Variants in GABRA3 observed in about 807,000 individuals in gnomAD.
The protein encoded by GABRA3 is gamma-aminobutyric acid type A receptor subunit alpha3, also known as gamma-aminobutyric acid receptor subunit alpha-3.
Under a neutral mutation model 30.1 loss-of-function variants are expected in GABRA3, and 10 were observed. That is an observed-to-expected ratio of 0.33 (90% CI 0.20 to 0.56). The LOEUF is 0.56. Among genes scored for constraint, GABRA3 ranks in the 20% least tolerant of loss-of-function variants. The pLI is 0.89. For synonymous variants in GABRA3, 151 were observed against 146.8 expected (o/e 1.03, Z -0.21); for missense variants, 233 against 392.0 (o/e 0.59, Z 3.42).
chrX:152,172,123 C>A (rs1259316950), intron 9 of GABRA3, among the ~76,000 whole-genome samples: 1 of 111,607 alleles, frequency 9.0e-6, no homozygotes, highest in African/African-American at 3.3e-5. Flanking sequence ...AAAACCCAAA[C>A]AACTCAATTT....
At chrX:152,192,898 A>C (rs1332219275) in intron 8 of GABRA3, among the ~76,000 whole-genome samples, 1 of 111,864 alleles carries the variant, frequency 8.9e-6, no homozygotes, top group African/African-American at 3.2e-5. Flanking sequence ...CTATTTTCTC[A>C]ACCTCTTCTC....
chrX:152,385,856 T>TC (rs1393651834), intron 1 of GABRA3, among the ~76,000 whole-genome samples: 2 of 111,506 alleles, frequency 1.8e-5, no homozygotes, highest in African/African-American at 6.5e-5. Context: ...GGGAATCCTT[T>TC]CCCCATTGCT....
intron 1 of GABRA3, among the ~76,000 whole-genome samples, chrX:152,445,728 C>T (rs1326401676): frequency 9.0e-6 from 1 of 111,247 alleles, no homozygotes; most frequent in Non-Finnish European, 1.9e-5. Flanking sequence ...TTAATGGATT[C>T]ATGTCAGTCA....
chrX:152,447,965 A>T (rs184691429), intron 1 of GABRA3, among the ~76,000 whole-genome samples: 1 of 112,398 alleles, frequency 8.9e-6, no homozygotes, highest in Non-Finnish European at 1.9e-5. Context: ...ATGTTACAGC[A>T]ATTTGAAAAA....
chrX:152,409,107 C>T (rs937523964), intron 1 of GABRA3, among the ~76,000 whole-genome samples: 1 of 111,398 alleles, frequency 9.0e-6, no homozygotes, highest in African/African-American at 3.3e-5. Flanking sequence ...AATTCAAGTG[C>T]TTTGGGAAGC....
intron 1 of GABRA3, among the ~76,000 whole-genome samples, chrX:152,437,948 A>C (rs769829905): frequency 8.9e-5 from 10 of 112,362 alleles, no homozygotes; most frequent in Non-Finnish European, 1.7e-4. Context: ...TGATCCATGA[A>C]AGTAAAAACT....
At chrX:152,189,010 C>T (rs1569350639) in intron 9 of GABRA3, among the ~76,000 whole-genome samples, 1 of 111,756 alleles carries the variant, frequency 8.9e-6, no homozygotes, top group Non-Finnish European at 1.9e-5. Flanking sequence ...ATCAATGCAC[C>T]AATCCAATCA....
intron 3 of GABRA3, among the ~76,000 whole-genome samples, chrX:152,306,588 T>C (rs778572143): frequency 9.3e-4 from 104 of 111,779 alleles, no homozygotes; most frequent in African/African-American, 3.2e-3. Flanking sequence ...CAAGCTGGTC[T>C]AGGCAGATCC....
intron 3 of GABRA3, among the ~76,000 whole-genome samples, chrX:152,336,327 T>C (rs1029765789): frequency 8.9e-6 from 1 of 111,795 alleles, no homozygotes; most frequent in Non-Finnish European, 1.9e-5. Flanking sequence ...ATGGCTCCAC[T>C]TCTCCGTATC....
chrX:152,325,444 C>T (rs915058062), intron 3 of GABRA3, among the ~76,000 whole-genome samples: 1 of 111,619 alleles, frequency 9.0e-6, no homozygotes, highest in African/African-American at 3.3e-5. Context: ...GAGACACCTC[C>T]CAGTAGGGGC....
At chrX:152,210,237 T>G (rs1037516196) in intron 6 of GABRA3, among the ~76,000 whole-genome samples, 1 of 112,084 alleles carries the variant, frequency 8.9e-6, no homozygotes, top group African/African-American at 3.2e-5. Context: ...AAAGCATACT[T>G]TGTGTGCTTA....
At chrX:152,305,521 T>A (rs1056671091) in intron 3 of GABRA3, among the ~76,000 whole-genome samples, 2 of 111,848 alleles carry the variant, frequency 1.8e-5, no homozygotes, top group African/African-American at 6.5e-5. Context: ...CATCTTTTAT[T>A]TATCTGATTA....
At chrX:152,354,637 G>C (rs1481061196) in intron 2 of GABRA3, among the ~76,000 whole-genome samples, 2 of 111,508 alleles carry the variant, frequency 1.8e-5, no homozygotes, top group Admixed American at 9.6e-5. Flanking sequence ...AAATGTTACA[G>C]GGCCCTATAA....
intron 6 of GABRA3, among the ~76,000 whole-genome samples, chrX:152,222,060 T>C (rs112410209): frequency 1.0e-3 from 113 of 111,723 alleles, no homozygotes; most frequent in African/African-American, 3.5e-3. Flanking sequence ...TCGTTCTTTT[T>C]TGGTGGCTGC....
rs867325918 is a variant in GABRA3, at chrX:152,238,736, C to T, written c.552-13891G>A. On this transcript the variant is annotated intron_variant, in intron 5 of 9. Transcript: ENST00000370314. ...TTTAGTCTTGGGAGAGTGTATGTGT[C>T]GAGGAATTTATCCATTTCTTCTAGA... Among the ~76,000 whole-genome samples, 511 of 104,944 alleles carry T rather than the reference C, an allele frequency of 4.9e-3. 2 individuals carry two copies. The highest frequency in any genetic ancestry group is 0.025 in the Middle Eastern group (5 of 200). The allele number at this position is 104,944 out of a possible 115,157, so 91.1% of individuals were successfully genotyped here.
chrX:152,394,767 C>T (rs765479184), intron 1 of GABRA3, among the ~76,000 whole-genome samples: 10 of 111,329 alleles, frequency 9.0e-5, no homozygotes, highest in Non-Finnish European at 1.7e-4. Flanking sequence ...TCAATTCATA[C>T]ATGAAAAAGG....
At position 152,167,935 on chromosome X, in the gene GABRA3, A is replaced by C. The variant is rs1936956290; in HGVS notation, c.*293T>G. The stretch of plus-strand genomic sequence containing the variant: ...GTTCTTTTTGCAGCGGGCAGAGTGC[A>C]ATAAAATACATGCAGTGCCCTCAGC... On this transcript the variant is annotated 3_prime_UTR_variant, in exon 10 of 10. Transcript: ENST00000370314. 2.9e-6 allele frequency: 1 copy of C among 339,997 alleles called. No homozygotes were observed. The highest frequency in any genetic ancestry group is 5.1e-6 in the Non-Finnish European group (1 of 194,713). The allele number at this position is 339,997 out of a possible 1,213,427, so 28.0% of individuals were successfully genotyped here.
At chrX:152,343,982 AGT>A (rs1226656521) in intron 3 of GABRA3, among the ~76,000 whole-genome samples, 1 of 111,207 alleles carries the variant, frequency 9.0e-6, no homozygotes, top group Non-Finnish European at 1.9e-5. Flanking sequence ...TATATGTGTG[AGT>A]GTGTGTGCAT....
chrX:152,271,068 T>A (rs1479647919), intron 4 of GABRA3, among the ~76,000 whole-genome samples: 4 of 108,485 alleles, frequency 3.7e-5, no homozygotes, highest in East Asian at 6.0e-4. Flanking sequence ...TTCAAGCGAT[T>A]CTCCTGCCTC....
Sources: gnomAD v4.1 joint callset for allele counts (sites outside exome capture counted in the v4.1 genomes callset) on GRCh38, gnomAD v4.1.1 for gene constraint, MANE v1.5 for transcripts, NCBI Gene and HGNC (gene_info 2026-07-23, HGNC 2026-07-21) for gene names.